The following CNTN5 variants were observed in gnomAD, a reference collection of about 807,000 sequenced individuals.
CNTN5 encodes the protein contactin 5.
CNTN5 carries 77 observed loss-of-function variants against 129.1 expected under a neutral mutation model. That is an observed-to-expected ratio of 0.60 (90% CI 0.50 to 0.72). The LOEUF is 0.72. Ranked by LOEUF, CNTN5 falls within the 30% of genes least tolerant of loss-of-function variation. The pLI is 0.00. For missense variants in CNTN5, 1,478 were observed against 1,328.8 expected, an observed-to-expected ratio of 1.11 and a Z score of -1.75; for synonymous variants, 509 against 465.6, an observed-to-expected ratio of 1.09 and a Z score of -1.20.
intron 2 of CNTN5, among the ~76,000 whole-genome samples, chr11:99,334,082 AGGCC>A (rs1314016336): frequency 6.6e-6 from 1 of 152,024 alleles, no homozygotes; most frequent in Admixed American, 6.6e-5. Context: ...AAAACTAAAA[AGGCC>A]AGCACATACA....
Position 100,350,837 on chromosome 11 carries a change from G to A in CNTN5, c.3166G>A (p.Ala1056Thr). ...ATATAGTGAAGGAGGAGATGGAACAGCTAGTTCTCAAATTAGGGTACCATC... is the reference window on the plus strand; with the variant it reads ...ATATAGTGAAGGAGGAGATGGAACAACTAGTTCTCAAATTAGGGTACCATC... ...RAYSEGGDGT[A>T]SSQIRVPSYS... Residue 1056 changes from alanine (A) to threonine (T), a missense_variant, in exon 24 of 25, where the codon GCT becomes ACT. Coordinates refer to ENST00000524871, the MANE Select transcript of CNTN5 (RefSeq NM_014361.4). 3 of 1,593,782 alleles carry A rather than the reference G, an allele frequency of 1.9e-6. No individual in the cohort carries two copies. Among genetic ancestry groups the A allele is most frequent in the Non-Finnish European group, 2.6e-6 (3 of 1,168,222 alleles).
At chr11:99,745,728 ATT>A (rs5794017) in intron 3 of CNTN5, among the ~76,000 whole-genome samples, 2 of 149,646 alleles carry the variant, frequency 1.3e-5, no homozygotes, top group African/African-American at 4.9e-5. Context: ...ACCTGAAGAC[ATT>A]TTTTTTTTTC....
At chr11:99,378,799 C>T (rs993573768) in intron 2 of CNTN5, among the ~76,000 whole-genome samples, 5 of 151,888 alleles carry the variant, frequency 3.3e-5, no homozygotes, top group Non-Finnish European at 7.4e-5. Context: ...ATTAAATCAT[C>T]CTATTAAAAT....
intron 9 of CNTN5, among the ~76,000 whole-genome samples, chr11:100,011,798 G>A (rs779419779): frequency 1.3e-5 from 2 of 152,084 alleles, no homozygotes; most frequent in Admixed American, 6.6e-5. Flanking sequence ...TATTTTTGCT[G>A]TAGTTTATGT....
chr11:99,073,375 T>C (rs1865419983), intron 1 of CNTN5, among the ~76,000 whole-genome samples: 2 of 89,174 alleles, frequency 2.2e-5, no homozygotes, highest in Admixed American at 1.3e-4. Flanking sequence ...TATGGTTTGG[T>C]TTTTTTTTTT....
chr11:99,225,922 G>A (rs76879870), intron 1 of CNTN5, among the ~76,000 whole-genome samples: 2,650 of 152,160 alleles, frequency 0.017, 43 homozygotes, highest in African/African-American at 0.038. Context: ...TAAATTCATG[G>A]AAGAGATTTA....
At chr11:99,812,305 A>C (rs927740777) in intron 3 of CNTN5, among the ~76,000 whole-genome samples, 43 of 152,054 alleles carry the variant, frequency 2.8e-4, no homozygotes, top group Admixed American at 3.9e-4. Context: ...TCTGCTCTTC[A>C]CTTTTTCAGT....
chr11:100,312,129 AT>A (rs1951484900), intron 21 of CNTN5, among the ~76,000 whole-genome samples: 1 of 152,094 alleles, frequency 6.6e-6, no homozygotes, highest in African/African-American at 2.4e-5. Flanking sequence ...AAAATATGGC[AT>A]CTTGTTACCA....
intron 15 of CNTN5, among the ~76,000 whole-genome samples, chr11:100,209,253 T>A (rs1314249423): frequency 1.3e-5 from 2 of 152,228 alleles, no homozygotes; most frequent in African/African-American, 4.8e-5. Context: ...TGTGGTGTGA[T>A]GTGGAGGAGA....
At chr11:100,335,596 C>T (rs1350440418) in intron 21 of CNTN5, among the ~76,000 whole-genome samples, 2 of 151,964 alleles carry the variant, frequency 1.3e-5, no homozygotes, top group African/African-American at 2.4e-5. Context: ...GGTGAAACCT[C>T]GTCTCTATTA....
intron 8 of CNTN5, among the ~76,000 whole-genome samples, chr11:99,993,156 A>C (rs1164665263): frequency 6.6e-6 from 1 of 152,172 alleles, no homozygotes; most frequent in African/African-American, 2.4e-5. Flanking sequence ...CTTGCAACTG[A>C]AATAAACCAT....
chr11:100,317,747 C>T (rs1216171), intron 21 of CNTN5, among the ~76,000 whole-genome samples: 8,578 of 152,198 alleles, frequency 0.056, 340 homozygotes, highest in East Asian at 0.23. Context: ...TAGTTACTCA[C>T]TTTACTGTGT....
At chr11:99,111,542 G>A (rs1186012788) in intron 1 of CNTN5, among the ~76,000 whole-genome samples, 2 of 151,908 alleles carry the variant, frequency 1.3e-5, no homozygotes, top group Non-Finnish European at 2.9e-5. Context: ...CGGAGTCAGT[G>A]GGGTATACAA....
chr11:99,143,242 C>T (rs1297167356), intron 1 of CNTN5, among the ~76,000 whole-genome samples: 1 of 150,726 alleles, frequency 6.6e-6, no homozygotes, highest in Non-Finnish European at 1.5e-5. Context: ...CAATTTAATT[C>T]ACTTATGTAT....
chr11:99,377,910 A>G (rs1352563601), intron 2 of CNTN5, among the ~76,000 whole-genome samples: 1 of 152,090 alleles, frequency 6.6e-6, no homozygotes, highest in East Asian at 1.9e-4. Flanking sequence ...TAATTTTAAC[A>G]AGTCCCATTT....
chr11:99,723,214 C>T (rs746611136), intron 3 of CNTN5, among the ~76,000 whole-genome samples: 3 of 148,696 alleles, frequency 2.0e-5, no homozygotes, highest in South Asian at 2.2e-4. Context: ...CCTTTATTAT[C>T]GATTCCACTT....
At chr11:99,867,861 C>G (rs910593228) in intron 6 of CNTN5, among the ~76,000 whole-genome samples, 1 of 152,070 alleles carries the variant, frequency 6.6e-6, no homozygotes, top group African/African-American at 2.4e-5. Flanking sequence ...CCTGGAAAAA[C>G]AGGAAATTGC....
At chr11:99,886,773 G>C (rs745754871) in intron 6 of CNTN5, among the ~76,000 whole-genome samples, 6 of 152,140 alleles carry the variant, frequency 3.9e-5, no homozygotes, top group South Asian at 2.1e-4. Flanking sequence ...CCAAATGCAC[G>C]CAATAGCATG....
chr11:99,512,676 GGTGATCA>G (rs1221036380), intron 2 of CNTN5, among the ~76,000 whole-genome samples: 8 of 151,898 alleles, frequency 5.3e-5, no homozygotes, highest in Non-Finnish European at 8.8e-5. Context: ...TGCCTGTTAC[GGTGATCA>G]GTGATCAGTG....
Sources: allele counts gnomAD v4.1 joint callset (sites outside exome capture counted in the v4.1 genomes callset), GRCh38; gene constraint gnomAD v4.1.1; transcripts MANE v1.5; gene names NCBI Gene and HGNC (gene_info 2026-07-23, HGNC 2026-07-21).